BABAM2: variants seen among roughly 807,000 people sequenced by gnomAD.
BABAM2 encodes the protein BRISC and BRCA1 A complex member 2.
A neutral mutation model predicts 54.7 loss-of-function variants in BABAM2; 31 were observed. That is an observed-to-expected ratio of 0.57 (90% CI 0.43 to 0.77). The LOEUF (loss-of-function observed/expected upper bound fraction) is 0.77. Among genes scored for constraint, BABAM2 ranks in the 30% least tolerant of loss-of-function variants. The pLI, the probability that BABAM2 is intolerant of heterozygous loss-of-function variation, is 0.00. For missense variants in BABAM2, 364 were observed against 455.8 expected (o/e 0.80, Z 1.83); for synonymous variants, 167 against 162.9 (o/e 1.03, Z -0.19).
intron 7 of BABAM2, among the ~76,000 whole-genome samples, chr2:28,152,318 TG>T (rs1223921979): frequency 1.3e-5 from 2 of 152,234 alleles, no homozygotes; most frequent in African/African-American, 4.8e-5. Context: ...TCAGGGCCAC[TG>T]CTATCCTCTG....
chr2:28,175,542 A>G (rs914007381), intron 7 of BABAM2, among the ~76,000 whole-genome samples: 1 of 152,158 alleles, frequency 6.6e-6, no homozygotes, highest in East Asian at 1.9e-4. Flanking sequence ...TGTTGCCACC[A>G]TCACAGCCAG....
At chr2:28,281,121 A>G (rs1296883945) in intron 10 of BABAM2, among the ~76,000 whole-genome samples, 1 of 152,094 alleles carries the variant, frequency 6.6e-6, no homozygotes, top group Non-Finnish European at 1.5e-5. Flanking sequence ...TTTTAACCTG[A>G]GCTTGATGGG....
At chr2:28,290,981 A>AG (rs1196726911) in intron 10 of BABAM2, among the ~76,000 whole-genome samples, 1 of 152,248 alleles carries the variant, frequency 6.6e-6, no homozygotes, top group Non-Finnish European at 1.5e-5. Context: ...GTTAGATGGA[A>AG]GAAAAAAACC....
intron 4 of BABAM2, among the ~76,000 whole-genome samples, chr2:27,989,653 TC>T (rs1193201297): frequency 4.6e-5 from 7 of 152,040 alleles, no homozygotes; most frequent in Non-Finnish European, 1.0e-4. Flanking sequence ...AGCAGTGTGG[TC>T]AATATAATGG....
intron 6 of BABAM2, among the ~76,000 whole-genome samples, chr2:28,074,670 T>A (rs1226991197): frequency 1.3e-5 from 2 of 152,306 alleles, no homozygotes; most frequent in East Asian, 3.9e-4. Flanking sequence ...ACTTTCTCAC[T>A]ATCTTTTTTC....
intron 2 of BABAM2, among the ~76,000 whole-genome samples, chr2:27,914,703 G>A (rs1666836545): frequency 6.6e-6 from 1 of 152,130 alleles, no homozygotes; most frequent in East Asian, 1.9e-4. Context: ...AAAAACAGAA[G>A]AGAATGGAAC....
intron 6 of BABAM2, among the ~76,000 whole-genome samples, chr2:28,051,271 T>C (rs1027091716): frequency 1.4e-4 from 22 of 152,274 alleles, no homozygotes; most frequent in African/African-American, 4.8e-4. Flanking sequence ...GCCAGTGCTG[T>C]GAGAATTCCC....
intron 10 of BABAM2, among the ~76,000 whole-genome samples, chr2:28,274,951 G>A (rs1219660814): frequency 2.6e-5 from 4 of 152,204 alleles, no homozygotes; most frequent in Non-Finnish European, 4.4e-5. Context: ...TGCTCCAGTA[G>A]CTCCACTGCA....
intron 10 of BABAM2, among the ~76,000 whole-genome samples, chr2:28,274,430 T>C (rs1326283491): frequency 6.6e-6 from 1 of 152,094 alleles, no homozygotes; most frequent in East Asian, 1.9e-4. Context: ...CTAAACCATG[T>C]TTTGTTTTGT....
chr2:28,296,722 C>G (rs1212115046), intron 10 of BABAM2, among the ~76,000 whole-genome samples: 2 of 152,178 alleles, frequency 1.3e-5, no homozygotes, highest in African/African-American at 2.4e-5. Flanking sequence ...GAGTCTCACT[C>G]TGTTGCCCAG....
chr2:28,189,374 A>G (rs1293199106), intron 7 of BABAM2, among the ~76,000 whole-genome samples: 5 of 152,222 alleles, frequency 3.3e-5, no homozygotes, highest in African/African-American at 4.8e-5. Flanking sequence ...AAATTATTTA[A>G]GTTTTGTGGT....
At chr2:28,015,839 CT>C in intron 4 of BABAM2, 1 of 839,348 alleles carries the variant, frequency 1.2e-6, no homozygotes, top group Non-Finnish European at 1.8e-6. Context: ...TTTTCTGTTG[CT>C]TTTTCTCGTT....
intron 7 of BABAM2, among the ~76,000 whole-genome samples, chr2:28,134,924 C>A (rs1014110089): frequency 3.3e-5 from 5 of 152,080 alleles, no homozygotes; most frequent in Non-Finnish European, 5.9e-5. Context: ...CATCAGAAGC[C>A]CCCTGTTCCT....
chr2:28,037,063 T>C lies in BABAM2; in HGVS notation c.496-8662T>C, dbSNP rs552854413. Reference sequence around the variant, plus strand: ...TTTTATTATATACGCTTTTAGTTTTTTTTAAATTCCTTAAAATTTTTTCGA... The same window carrying C: ...TTTTATTATATACGCTTTTAGTTTTCTTTAAATTCCTTAAAATTTTTTCGA... On this transcript the variant is annotated intron_variant, in intron 5 of 11. Transcript: ENST00000379624. Among the ~76,000 whole-genome samples, 6 of 152,330 alleles carry C rather than the reference T, an allele frequency of 3.9e-5. No individual in the cohort carries two copies. The East Asian group carries it at 1.2e-3, about 29-fold the overall frequency.
At chr2:27,996,122 ATGTGGTTC>A (rs1391485841) in intron 4 of BABAM2, among the ~76,000 whole-genome samples, 1 of 152,010 alleles carries the variant, frequency 6.6e-6, no homozygotes, top group Non-Finnish European at 1.5e-5. Context: ...GTTATCCATC[ATGTGGTTC>A]TGTTTTTGGT....
At chr2:28,176,294 G>A (rs1674933332) in intron 7 of BABAM2, among the ~76,000 whole-genome samples, 2 of 151,994 alleles carry the variant, frequency 1.3e-5, no homozygotes, top group Admixed American at 1.3e-4. Context: ...CACTGGCCAG[G>A]CACGGTGACT....
intron 4 of BABAM2, among the ~76,000 whole-genome samples, chr2:28,018,369 A>G (rs1440309849): frequency 6.6e-6 from 1 of 152,206 alleles, no homozygotes; most frequent in Non-Finnish European, 1.5e-5. Context: ...GTAGTATTCC[A>G]TGATATATAT....
At chr2:27,923,841 A>C (rs1667497418) in intron 2 of BABAM2, among the ~76,000 whole-genome samples, 1 of 151,822 alleles carries the variant, frequency 6.6e-6, no homozygotes, top group South Asian at 2.1e-4. Flanking sequence ...GTGTGGTGGC[A>C]TGTGCCTGTG....
At chr2:28,216,820 CT>C (rs1281937131) in intron 7 of BABAM2, among the ~76,000 whole-genome samples, 1 of 152,134 alleles carries the variant, frequency 6.6e-6, no homozygotes, top group African/African-American at 2.4e-5. Context: ...TGGCCTTTTC[CT>C]GGACATTTGA....
Sources: gnomAD v4.1 joint callset for allele counts (sites outside exome capture counted in the v4.1 genomes callset) on GRCh38, gnomAD v4.1.1 for gene constraint, MANE v1.5 for transcripts, NCBI Gene and HGNC (gene_info 2026-07-23, HGNC 2026-07-21) for gene names.